The following KNG1 variants were observed in gnomAD, a reference collection of about 807,000 sequenced individuals.
KNG1 encodes the protein kininogen 1, also known as kininogen-1.
KNG1 carries 23 observed loss-of-function variants against 47.8 expected under a neutral mutation model. The observed-to-expected ratio is 0.48, with a 90% CI of 0.35 to 0.68. KNG1 has a LOEUF of 0.68. Ranked by LOEUF, KNG1 falls within the 30% of genes least tolerant of loss-of-function variation. The pLI, the probability that KNG1 is intolerant of heterozygous loss-of-function variation, is 0.01. For missense variants in KNG1, 762 were observed against 790.2 expected (o/e 0.96, Z 0.43); for synonymous variants, 277 against 277.0 (o/e 1.00, Z 0.00).
At chr3:186,738,122 T>C (rs1720713240) in intron 7 of KNG1, among the ~76,000 whole-genome samples, 1 of 152,020 alleles carries the variant, frequency 6.6e-6, no homozygotes, top group South Asian at 2.1e-4. Flanking sequence ...AAATTACAGG[T>C]GTGCATCACA....
In KNG1 at chr3:186,739,345, C is replaced by T. The variant is rs778820724; in HGVS notation, c.1056C>T (p.Asn352=). 123 of 1,613,756 alleles carry T rather than the reference C, an allele frequency of 7.6e-5. No individual in the cohort carries two copies. The highest frequency in any genetic ancestry group is 1.7e-4 in the Middle Eastern group (1 of 6,060). The change falls in exon 9 of 10, where the codon AAC becomes AAT. Residue 352 remains asparagine (N), a synonymous_variant. Coordinates refer to ENST00000644859, the MANE Select transcript of KNG1 (RefSeq NM_001102416.3). ...ATGGATAGCAAAGCCTAGATTGCAA[C>T]GCTGAAGTTTATGTGGTACCCTGGG... ...TKKLGQSLDC[N]AEVYVVPWEK...
At chr3:186,717,833 CCCA>C (rs201806239) in intron 1 of KNG1, 96 bp downstream of exon 1, 239 of 717,290 alleles carry the variant, frequency 3.3e-4, no homozygotes, top group South Asian at 6.8e-4. Context: ...ACCACCAGCA[CCCA>C]CCACCACCAC....
At chr3:186,722,623 C>CA in intron 3 of KNG1, 102 bp downstream of exon 3, 1 of 949,362 alleles carries the variant, frequency 1.1e-6, no homozygotes, top group Non-Finnish European at 1.7e-6. Context: ...CAGAGGGTGG[C>CA]AGTAGTAAAG....
intron 6 of KNG1, among the ~76,000 whole-genome samples, chr3:186,731,867 C>G (rs1214538446): frequency 6.6e-6 from 1 of 152,162 alleles, no homozygotes; most frequent in Non-Finnish European, 1.5e-5. Context: ...ATGTATGACC[C>G]CTGGGCAAAG....
At chr3:186,729,706 CT>C (rs1212708155) in intron 5 of KNG1, among the ~76,000 whole-genome samples, 4 of 148,730 alleles carry the variant, frequency 2.7e-5, no homozygotes, top group Non-Finnish European at 4.5e-5. Flanking sequence ...GAGTTTTGGT[CT>C]TGTTGCCCAG....
chr3:186,727,426 T>C (rs1181218672), intron 5 of KNG1, 82 bp downstream of exon 5: 5 of 908,146 alleles, frequency 5.5e-6, no homozygotes, highest in African/African-American at 1.6e-5. Flanking sequence ...GTGGGAAGAC[T>C]GTCACGAAAA....
rs558479656 is a variant in KNG1 at position 186,740,977 on chromosome 3, T to G, written c.1126-545T>G. On this transcript the variant is annotated intron_variant, in intron 9 of 9. Transcript: ENST00000644859. Reference sequence around the variant, plus strand: ...TTGTTGTTTGGCTGGGTTTTTTTGTTTTTTTTTTGTTGTTGTTGTTGTTTG... The same window carrying G: ...TTGTTGTTTGGCTGGGTTTTTTTGTGTTTTTTTTGTTGTTGTTGTTGTTTG... 5.8e-5 allele frequency among the ~76,000 whole-genome samples: 8 copies of G among 139,070 alleles called. No individual in the cohort carries two copies. In the South Asian group the frequency reaches 9.3e-4, roughly 16 times the overall value. 91.2% of individuals were successfully genotyped at this position (139,070 alleles called of 152,430 possible).
chr3:186,717,521 C>T lies in KNG1; in HGVS notation c.-22C>T. On this transcript the variant is annotated 5_prime_UTR_variant, in exon 1 of 10. Coordinates refer to ENST00000644859, the MANE Select transcript of KNG1 (RefSeq NM_001102416.3). ...TTCTTGGTGAAACCATCCCTCAGCT[C>T]CTAGAGGGAGATTGTTAGATCATGA... is the stretch of plus-strand genomic sequence containing the variant. 4 of 1,561,918 alleles carry T rather than the reference C, an allele frequency of 2.6e-6. No individual in the cohort carries two copies. The highest frequency in any genetic ancestry group is 2.2e-5 in the East Asian group (1 of 44,616).
Position 186,744,029 on chromosome 3 carries a change from C to T in KNG1, c.*1698C>T. On this transcript the variant is annotated 3_prime_UTR_variant, in exon 10 of 10. Transcript: ENST00000644859. The stretch of plus-strand genomic sequence containing the variant: ...TGGTCAGAGAGTCAGTGCTGTGGCT[C>T]TGCCATGGAGGCTCATAACCCAACA... 5.4e-6 allele frequency: 3 copies of T among 550,726 alleles called. No homozygotes were observed. Among genetic ancestry groups the T allele is most frequent in the Non-Finnish European group, 9.9e-6 (3 of 301,776 alleles). The allele number at this position is 550,726 out of a possible 1,614,324, so 34.1% of individuals were successfully genotyped here. A position where few individuals can be genotyped will look rare whatever the true frequency, so the allele number is the denominator to read the frequency against.
At chr3:186,731,074 G>A (rs1036537808) in intron 5 of KNG1, among the ~76,000 whole-genome samples, 2 of 152,014 alleles carry the variant, frequency 1.3e-5, no homozygotes, top group East Asian at 3.9e-4. Context: ...CTTTAGGAAT[G>A]AGTGTTTTGT....
Position 186,725,273 on chromosome 3 carries a change from A to ATTCTCTAAGTAGCACAGTAT in KNG1, c.564+15_564+34dup. 1 of 1,611,120 alleles carries ATTCTCTAAGTAGCACAGTAT rather than the reference A, an allele frequency of 6.2e-7. No homozygotes were observed. Among genetic ancestry groups the ATTCTCTAAGTAGCACAGTAT allele is most frequent in the Non-Finnish European group, 8.5e-7 (1 of 1,177,308 alleles). ...GGCCCAAAGACAGGTTTGTTCTTTA[A>ATTCTCTAAGTAGCACAGTAT]TTCTCTAAGTAGCACAGTATTACTA... On this transcript the variant is annotated intron_variant, in intron 4 of 9. Transcript: ENST00000644859.
intron 7 of KNG1, among the ~76,000 whole-genome samples, chr3:186,733,149 G>A (rs1720582582): frequency 6.6e-6 from 1 of 152,122 alleles, no homozygotes; most frequent in African/African-American, 2.4e-5. Context: ...CAGAGGCTGA[G>A]GCAGGAGAAT....
rs1206719587 is a variant in KNG1, at chr3:186,727,234, C to G, written c.565-3C>G. On this transcript the variant is annotated splice_polypyrimidine_tract_variant and splice_region_variant and intron_variant, in intron 4 of 9. Transcript: ENST00000644859. ...TTAAATATTCAATCTGAAATTGTTT[C>G]AGGTGGTGGCTGGATTGAACTTTCG... The G allele has an allele frequency of 4.4e-6, 7 of 1,594,318 alleles. No homozygotes were observed. The highest frequency in any genetic ancestry group is 6.0e-6 in the Non-Finnish European group (7 of 1,161,928).
intron 2 of KNG1, chr3:186,721,458 A>G (rs1355339025): frequency 6.6e-6 from 1 of 152,304 alleles, no homozygotes; most frequent in Non-Finnish European, 1.5e-5. Flanking sequence ...ACACTGTTCA[A>G]CAATAACAAT....
intron 9 of KNG1, 88 bp from the exon 10 acceptor site, chr3:186,741,434 G>T: frequency 8.2e-7 from 1 of 1,223,644 alleles, no homozygotes; most frequent in Non-Finnish European, 1.2e-6. Context: ...TGTAAACTAA[G>T]ATAACATTGC....
intron 4 of KNG1, among the ~76,000 whole-genome samples, chr3:186,726,287 T>C (rs959658909): frequency 2.0e-5 from 2 of 97,782 alleles, no homozygotes; most frequent in African/African-American, 3.5e-5. Flanking sequence ...TTTTTTTTTT[T>C]TTTTTTTGTT....
At chr3:186,733,605 A>C (rs1720597159) in intron 7 of KNG1, among the ~76,000 whole-genome samples, 1 of 151,474 alleles carries the variant, frequency 6.6e-6, no homozygotes, top group African/African-American at 2.4e-5. Context: ...ATCCCAGATC[A>C]CTCTGGGTGG....
intron 1 of KNG1, 155 bp downstream of exon 1, chr3:186,717,892 C>A: frequency 3.7e-6 from 1 of 272,974 alleles, no homozygotes; most frequent in Admixed American, 4.2e-5. Context: ...CAACCACCAC[C>A]ACCACCCACC....
intron 2 of KNG1, chr3:186,721,070 T>A (rs1720183239): frequency 6.6e-6 from 1 of 152,228 alleles, no homozygotes; most frequent in African/African-American, 2.4e-5. Context: ...ATTACAGGCG[T>A]GAGCCACCAC....
Sources: gnomAD v4.1 joint callset for allele counts (sites outside exome capture counted in the v4.1 genomes callset) on GRCh38, gnomAD v4.1.1 for gene constraint, MANE v1.5 for transcripts, NCBI Gene and HGNC (gene_info 2026-07-23, HGNC 2026-07-21) for gene names.